Variants in PEAK1 observed in about 807,000 individuals in gnomAD.
The protein encoded by PEAK1 is inactive tyrosine-protein kinase PEAK1.
Under a neutral mutation model 124.7 loss-of-function variants are expected in PEAK1, and 54 were observed. The observed-to-expected ratio is 0.43, with a 90% CI of 0.35 to 0.54. The LOEUF (loss-of-function observed/expected upper bound fraction) is 0.54. Among genes scored for constraint, PEAK1 ranks in the 20% least tolerant of loss-of-function variants. The pLI is 0.01. For missense variants in PEAK1, 2,046 were observed against 2,134.5 expected (o/e 0.96, Z 0.82); for synonymous variants, 719 against 760.0 (o/e 0.95, Z 0.89).
At chr15:77,356,077 G>C (rs1208404983) in intron 2 of PEAK1, 1 of 325,372 alleles carries the variant, frequency 3.1e-6, no homozygotes, top group Non-Finnish European at 4.4e-6. Context: ...GCATTACTCA[G>C]TGATAAAAAT....
Position 77,283,903 on chromosome 15 carries a change from T to C in PEAK1, c.-295A>G. The C allele has an allele frequency of 1.0e-6, 1 of 981,756 alleles. No individual in the cohort carries two copies. The highest frequency in any genetic ancestry group is 1.2e-6 in the Non-Finnish European group (1 of 826,518). The allele number at this position is 981,756 out of a possible 1,614,324, so 60.8% of individuals were successfully genotyped here. On this transcript the variant is annotated 5_prime_UTR_variant, in exon 5 of 10. The change creates a new upstream start codon in the 5' untranslated region. Transcript: ENST00000682557. The stretch of plus-strand genomic sequence containing the variant: ...CTTACCTCTTTGTTACTGTTATTTA[T>C]ATAGCTGTAGTCATTACTACTTTCA...
chr15:77,104,427 TG>T (rs1205336673), downstream of PEAK1: 1 of 152,420 alleles, frequency 6.6e-6, no homozygotes, highest in Non-Finnish European at 1.5e-5. Flanking sequence ...GAGCTGAAGC[TG>T]GGGAGTGAGT....
chr15:77,420,896 G>A, upstream of PEAK1: 1 of 398,798 alleles, frequency 2.5e-6, no homozygotes, highest in South Asian at 1.3e-4. Flanking sequence ...CCAGCTGTGA[G>A]ACGACGAGTG....
chr15:77,351,970 C>T (rs1328874106), intron 2 of PEAK1: 1 of 983,966 alleles, frequency 1.0e-6, no homozygotes, highest in Non-Finnish European at 1.2e-6. Flanking sequence ...CCTATAATAC[C>T]AGCAATTTGG....
intron 5 of PEAK1, among the ~76,000 whole-genome samples, chr15:77,271,784 G>A (rs1237328002): frequency 6.6e-6 from 1 of 152,170 alleles, no homozygotes; most frequent in Non-Finnish European, 1.5e-5. Context: ...CCTGTTGTGG[G>A]GTGGGAGGAG....
chr15:77,160,321 CT>C (rs1023587683), intron 7 of PEAK1, among the ~76,000 whole-genome samples: 46 of 152,252 alleles, frequency 3.0e-4, no homozygotes, highest in African/African-American at 1.1e-3. Flanking sequence ...AAAATGTTTT[CT>C]GGCAAAAGTT....
intron 2 of PEAK1, among the ~76,000 whole-genome samples, chr15:77,325,407 CAATAAATA>C (rs140910763): frequency 0.018 from 2,602 of 144,194 alleles, 66 homozygotes; most frequent in African/African-American, 0.058. Flanking sequence ...GATCCCATCT[CAATAAATA>C]AATAAATAAA....
At position 77,234,951 on chromosome 15, in the gene PEAK1, G is replaced by A. The variant is rs527741976; in HGVS notation, c.-115+17416C>T. Among the ~76,000 whole-genome samples, 221 of 152,214 alleles carry A rather than the reference G, an allele frequency of 1.5e-3. 1 individual carries two copies. Among genetic ancestry groups the A allele is most frequent in the Non-Finnish European group, 2.5e-3 (169 of 68,016 alleles). ...CCATGCTATTCTCATGATAGTGACT[G>A]AGTTCTCATGAGATCTGATGGTTTT... On this transcript the variant is annotated intron_variant, in intron 6 of 9. Coordinates refer to ENST00000682557, the MANE Select transcript of PEAK1 (RefSeq NM_001385026.1).
At chr15:77,251,144 T>A (rs2152925229) in intron 6 of PEAK1, among the ~76,000 whole-genome samples, 2 of 152,308 alleles carry the variant, frequency 1.3e-5, no homozygotes, top group South Asian at 4.1e-4. Context: ...AGAAATCCAA[T>A]GATTAAGAGT....
chr15:77,164,836 T>A (rs1425802544), intron 7 of PEAK1, among the ~76,000 whole-genome samples: 1 of 152,132 alleles, frequency 6.6e-6, no homozygotes, highest in Non-Finnish European at 1.5e-5. Context: ...AGGCAAGGTA[T>A]TAGAAGAAAA....
intron 2 of PEAK1, among the ~76,000 whole-genome samples, chr15:77,359,630 T>C (rs2067753621): frequency 6.6e-6 from 1 of 152,184 alleles, no homozygotes; most frequent in Non-Finnish European, 1.5e-5. Flanking sequence ...AAAATCATTA[T>C]ATTTCTATAT....
At chr15:77,193,222 T>C (rs7181345) in intron 6 of PEAK1, among the ~76,000 whole-genome samples, 41,254 of 152,148 alleles carry the variant, frequency 0.27, 6,628 homozygotes, top group Middle Eastern at 0.38. Context: ...GATATAGTTA[T>C]CTGGCAAGAT....
chr15:77,201,295 T>C (rs1457686385), intron 6 of PEAK1, among the ~76,000 whole-genome samples: 1 of 141,258 alleles, frequency 7.1e-6, no homozygotes, highest in East Asian at 2.2e-4. Context: ...TGGAGTGCAG[T>C]GTTGAAATCT....
At chr15:77,212,386 G>A (rs1385824461) in intron 6 of PEAK1, among the ~76,000 whole-genome samples, 1 of 152,136 alleles carries the variant, frequency 6.6e-6, no homozygotes, top group African/African-American at 2.4e-5. Context: ...TGGATTTAAA[G>A]CTCCTTTTGA....
intron 2 of PEAK1, among the ~76,000 whole-genome samples, chr15:77,292,870 CAA>C (rs1318923891): frequency 1.3e-5 from 2 of 152,092 alleles, no homozygotes; most frequent in East Asian, 3.8e-4. Context: ...GCAGGAAAGG[CAA>C]GTTATAGAAC....
At position 77,180,328 on chromosome 15, in the gene PEAK1, T is replaced by G. The variant is rs1715228450; in HGVS notation, c.1599A>C (p.Glu533Asp). ...GTGGACTGGTGCTAGAAGTCCATAC[T>G]TCTTGGTATCGAATTGCACTGGATT... ...FQKSSAIRYQ[E>D]VWTSSTSPRQ... Residue 533 changes from glutamate (E) to aspartate (D), a missense_variant, in exon 7 of 10, where the codon GAA becomes GAC. Glu to Asp is a conservative substitution (Grantham distance 45). Coordinates refer to ENST00000682557, the MANE Select transcript of PEAK1 (RefSeq NM_001385026.1). The G allele has an allele frequency of 1.2e-5, 20 of 1,614,162 alleles. No individual in the cohort carries two copies. The highest frequency in any genetic ancestry group is 1.5e-5 in the Non-Finnish European group (18 of 1,179,984).
chr15:77,287,057 G>A (rs560760107), intron 2 of PEAK1, among the ~76,000 whole-genome samples: 1 of 152,118 alleles, frequency 6.6e-6, no homozygotes, highest in East Asian at 1.9e-4. Context: ...CCTGTTGGCA[G>A]ACTCTGTTCT....
chr15:77,409,438 A>C (rs1417384360), intron 1 of PEAK1, among the ~76,000 whole-genome samples: 1 of 152,222 alleles, frequency 6.6e-6, no homozygotes, highest in African/African-American at 2.4e-5. Flanking sequence ...AGTGGTAAAG[A>C]TGAGATTCAG....
rs775422605 is a variant in PEAK1, at chr15:77,206,158, A to C, written c.-114-24118T>G. On this transcript the variant is annotated intron_variant, in intron 6 of 9. Transcript: ENST00000682557. The stretch of plus-strand genomic sequence containing the variant: ...ATGTCCCTACAAAGGACATGAACTC[A>C]TCATTTTTTATGGCTGCATAGTATT... 1.4e-4 allele frequency among the ~76,000 whole-genome samples: 17 copies of C among 121,998 alleles called. No individual in the cohort carries two copies. The South Asian group carries it at 1.9e-3, about 13-fold the overall frequency. 80.0% of individuals were successfully genotyped at this position (121,998 alleles called of 152,430 possible).
Sources: gnomAD v4.1 joint callset for allele counts (sites outside exome capture counted in the v4.1 genomes callset) on GRCh38, gnomAD v4.1.1 for gene constraint, MANE v1.5 for transcripts, NCBI Gene and HGNC (gene_info 2026-07-23, HGNC 2026-07-21) for gene names.